The following ANKRD45 variants were observed in gnomAD, a reference collection of about 807,000 sequenced individuals.
ANKRD45 encodes the protein ankyrin repeat domain-containing protein 45.
ANKRD45 carries 21 observed loss-of-function variants against 28.1 expected under a neutral mutation model. The ratio of observed to expected loss-of-function variants is 0.75; its 90% CI spans 0.53 to 1.08. ANKRD45 has a LOEUF of 1.08. ANKRD45 is among the 50% of genes least tolerant of loss of function. The probability of loss-of-function intolerance (pLI) is 0.00; values close to 1 mark genes in which losing one functional copy is unlikely to be tolerated. For synonymous variants in ANKRD45, 86 were observed against 103.9 expected (o/e 0.83, Z 1.05); for missense variants, 261 against 308.7 (o/e 0.85, Z 1.16).
Position 173,617,506 on chromosome 1 carries a change from T to C in ANKRD45, c.730+7281A>G, listed in dbSNP as rs1375258952. Among the ~76,000 whole-genome samples the C allele has an allele frequency of 2.0e-5, 3 of 152,250 alleles. No individual in the cohort carries two copies. The East Asian group carries it at 5.8e-4, about 29-fold the overall frequency. ...CCTGCACAATGCAGCACAGCTGCTG[T>C]GCCAGATTGTGGCCAGATTGCTTCT... On this transcript the variant is annotated intron_variant, in intron 5 of 5. Coordinates refer to ENST00000333279, the MANE Select transcript of ANKRD45 (RefSeq NM_198493.3).
chr1:173,707,837 G>T, the ANKRD45 span, among the ~76,000 whole-genome samples: 1 of 152,156 alleles, frequency 6.6e-6, no homozygotes, highest in Non-Finnish European at 1.5e-5. Flanking sequence ...AGACTGCAGT[G>T]AAGTCTAACT....
chr1:173,686,093 A>G, the ANKRD45 span, among the ~76,000 whole-genome samples: 1 of 152,140 alleles, frequency 6.6e-6, no homozygotes. Flanking sequence ...CCCGGATTAA[A>G]TGGTCCCAAT....
intron 3 of ANKRD45, among the ~76,000 whole-genome samples, chr1:173,639,332 A>C (rs1232337592): frequency 2.0e-5 from 3 of 152,182 alleles, no homozygotes; most frequent in Non-Finnish European, 4.4e-5. Flanking sequence ...GAAATAACCA[A>C]ATGACCTTGC....
In ANKRD45 at chr1:173,624,492, GAA is replaced by G. The variant is rs79337715; in HGVS notation, c.730+293_730+294del. Among the ~76,000 whole-genome samples, 983 of 132,150 alleles carry G rather than the reference GAA, an allele frequency of 7.4e-3. 16 individuals carry two copies. Among genetic ancestry groups the G allele is most frequent in the African/African-American group, 0.021 (812 of 37,868 alleles). 86.7% of individuals were successfully genotyped at this position (132,150 alleles called of 152,430 possible). A position where few individuals can be genotyped will look rare whatever the true frequency, so the allele number is the denominator to read the frequency against. On this transcript the variant is annotated intron_variant, in intron 5 of 5. Transcript: ENST00000333279. ...ACAGAGGAAGACTCTGCCTCCGGGG[GAA>G]AAAAAAAAAAAAATCAAAACAAAGC...
the ANKRD45 span, among the ~76,000 whole-genome samples, chr1:173,681,431 T>C: frequency 1.3e-5 from 2 of 152,212 alleles, no homozygotes; most frequent in East Asian, 3.8e-4. Flanking sequence ...TTTTTCTTGA[T>C]AAAGTATTTT....
chr1:173,632,514 G>A (rs1207096308), intron 3 of ANKRD45, among the ~76,000 whole-genome samples: 1 of 148,988 alleles, frequency 6.7e-6, no homozygotes, highest in Non-Finnish European at 1.5e-5. Flanking sequence ...TATGAAAACC[G>A]GACAAAGACA....
the ANKRD45 span, among the ~76,000 whole-genome samples, chr1:173,700,813 T>C: frequency 1.3e-5 from 2 of 152,224 alleles, no homozygotes; most frequent in East Asian, 3.9e-4. Context: ...AAAGCCAAAA[T>C]AGACAAATAG....
In ANKRD45 at chr1:173,641,655, T is replaced by C. The variant is rs983715322; in HGVS notation, c.496+5191A>G. Among the ~76,000 whole-genome samples the C allele has an allele frequency of 4.1e-4, 63 of 152,168 alleles. 1 individual carries two copies. The highest frequency in any genetic ancestry group is 2.6e-4 in the Admixed American group (4 of 15,276). Reference sequence around the variant, plus strand: ...GTACTTGTGCTCTAATCCAATTGACTATCCCCTTCACCCTGGCATTTCGTC... The same window carrying C: ...GTACTTGTGCTCTAATCCAATTGACCATCCCCTTCACCCTGGCATTTCGTC... On this transcript the variant is annotated intron_variant, in intron 3 of 5. Coordinates refer to ENST00000333279, the MANE Select transcript of ANKRD45 (RefSeq NM_198493.3).
At chr1:173,689,262 G>A in the ANKRD45 span, among the ~76,000 whole-genome samples, 1 of 152,062 alleles carries the variant, frequency 6.6e-6, no homozygotes, top group Non-Finnish European at 1.5e-5. Context: ...CTCTTTAGGG[G>A]GCCTGGTAGA....
At chr1:173,709,151 C>G in the ANKRD45 span, among the ~76,000 whole-genome samples, 1 of 152,222 alleles carries the variant, frequency 6.6e-6, no homozygotes, top group South Asian at 2.1e-4. Context: ...CCTTTCAACT[C>G]ATGGGGTTTT....
chr1:173,697,266 A>C, the ANKRD45 span, among the ~76,000 whole-genome samples: 5 of 152,158 alleles, frequency 3.3e-5, no homozygotes, highest in African/African-American at 1.2e-4. Flanking sequence ...GGAGAACTTC[A>C]CCAACCTAGC....
At chr1:173,674,625 A>C (rs1670351405), upstream of ANKRD45, among the ~76,000 whole-genome samples, 1 of 152,198 alleles carries the variant, frequency 6.6e-6, no homozygotes, top group African/African-American at 2.4e-5. Context: ...AACTCGAAGC[A>C]GGGGGGTTAG....
upstream of ANKRD45, among the ~76,000 whole-genome samples, chr1:173,673,708 T>C (rs1319248687): frequency 6.6e-6 from 1 of 152,062 alleles, no homozygotes; most frequent in Admixed American, 6.5e-5. Flanking sequence ...CAAACCAGGA[T>C]TTGTACCTAG....
At chr1:173,630,629 C>T (rs1668144504) in intron 3 of ANKRD45, among the ~76,000 whole-genome samples, 1 of 146,420 alleles carries the variant, frequency 6.8e-6, no homozygotes, top group African/African-American at 2.4e-5. Flanking sequence ...CGGGCGATCA[C>T]TTGAGGTCAG....
At chr1:173,653,075 G>A (rs1669315328) in intron 2 of ANKRD45, among the ~76,000 whole-genome samples, 1 of 151,898 alleles carries the variant, frequency 6.6e-6, no homozygotes, top group Admixed American at 6.6e-5. Flanking sequence ...TTTTTTGAAG[G>A]GTTTTTTGTG....
chr1:173,658,771 T>C (rs910304930), intron 2 of ANKRD45: 1 of 187,424 alleles, frequency 5.3e-6, no homozygotes, highest in Non-Finnish European at 1.1e-5. Context: ...TTATCCTATT[T>C]AATCCTCATT....
Position 173,638,937 on chromosome 1 carries a change from G to A in ANKRD45, c.496+7909C>T, listed in dbSNP as rs189590119. Among the ~76,000 whole-genome samples, 196 of 152,228 alleles carry A rather than the reference G, an allele frequency of 1.3e-3. No individual in the cohort carries two copies. The Middle Eastern group carries it at 0.014, about 11-fold the overall frequency. ...GCCCCTTTTAAAACAGGACGGCACT[G>A]GTTTATAGATGGTTCCCCCAAAATA... On this transcript the variant is annotated intron_variant, in intron 3 of 5. Coordinates refer to ENST00000333279, the MANE Select transcript of ANKRD45 (RefSeq NM_198493.3).
chr1:173,676,139 T>C, the ANKRD45 span, among the ~76,000 whole-genome samples: 1 of 152,230 alleles, frequency 6.6e-6, no homozygotes, highest in African/African-American at 2.4e-5. Context: ...CAAGTTTGAT[T>C]CCTTAAATGA....
At chr1:173,698,664 A>T in the ANKRD45 span, among the ~76,000 whole-genome samples, 1 of 152,252 alleles carries the variant, frequency 6.6e-6, no homozygotes, top group Non-Finnish European at 1.5e-5. Context: ...GGACACATTT[A>T]AAGCAGTGTG....
Sources: allele counts gnomAD v4.1 joint callset (sites outside exome capture counted in the v4.1 genomes callset), GRCh38; gene constraint gnomAD v4.1.1; transcripts MANE v1.5; gene names NCBI Gene and HGNC (gene_info 2026-07-23, HGNC 2026-07-21).